The following GLYATL2 variants were observed in gnomAD, a reference collection of about 807,000 sequenced individuals.
GLYATL2 encodes the protein glycine N-acyltransferase-like protein 2.
A neutral mutation model predicts 21.4 loss-of-function variants in GLYATL2; 25 were observed. The observed-to-expected ratio is 1.17, with a 90% CI of 0.85 to 1.63. The LOEUF is 1.63. Among genes scored for constraint, GLYATL2 ranks in the 40% most tolerant of loss-of-function variants. GLYATL2 has a pLI of 0.00. For synonymous variants in GLYATL2, 114 were observed against 118.2 expected (o/e 0.96, Z 0.23); for missense variants, 361 against 343.3 (o/e 1.05, Z -0.41).
upstream of GLYATL2, among the ~76,000 whole-genome samples, chr11:58,907,011 G>C (rs1854907793): frequency 6.6e-6 from 1 of 152,258 alleles, no homozygotes; most frequent in Admixed American, 6.5e-5. Context: ...AACAATAAAA[G>C]GTTGATCTGA....
At chr11:58,866,695 C>A (rs1383901238) in intron 1 of GLYATL2, among the ~76,000 whole-genome samples, 3 of 149,172 alleles carry the variant, frequency 2.0e-5, no homozygotes, top group African/African-American at 2.4e-5. Context: ...GTCTCTTGGT[C>A]AGTTCCCTGT....
chr11:58,858,668 GA>G (rs1247090317), intron 1 of GLYATL2, among the ~76,000 whole-genome samples: 3 of 152,044 alleles, frequency 2.0e-5, no homozygotes, highest in South Asian at 2.1e-4. Context: ...ATTTAAAAAG[GA>G]AAAAAAGTTA....
intron 1 of GLYATL2, among the ~76,000 whole-genome samples, chr11:58,867,031 T>C (rs1185004743): frequency 6.7e-6 from 1 of 148,760 alleles, no homozygotes; most frequent in Non-Finnish European, 1.5e-5. Context: ...CCTTGACACA[T>C]TGTGAGAGTA....
At chr11:58,868,906 G>A (rs986721724) in intron 1 of GLYATL2, among the ~76,000 whole-genome samples, 1 of 149,108 alleles carries the variant, frequency 6.7e-6, no homozygotes, top group Non-Finnish European at 1.5e-5. Context: ...CCACTTGTGG[G>A]TTAAACAAGC....
upstream of GLYATL2, among the ~76,000 whole-genome samples, chr11:58,849,280 ACAG>A (rs1853697487): frequency 6.6e-6 from 1 of 152,174 alleles, no homozygotes; most frequent in South Asian, 2.1e-4. Context: ...GTACACACGA[ACAG>A]ACAGAATATT....
chr11:58,862,467 A>C (rs1163059075), intron 1 of GLYATL2, among the ~76,000 whole-genome samples: 1 of 152,114 alleles, frequency 6.6e-6, no homozygotes, highest in Admixed American at 6.5e-5. Flanking sequence ...CTGATATTCC[A>C]TAATTACCAT....
intron 1 of GLYATL2, among the ~76,000 whole-genome samples, chr11:58,866,628 T>C (rs1430749190): frequency 6.7e-6 from 1 of 148,942 alleles, no homozygotes; most frequent in African/African-American, 2.4e-5. Context: ...AAGAAATCTT[T>C]TTCCCTAGAA....
At chr11:58,858,441 T>G (rs1565095571) in intron 1 of GLYATL2, among the ~76,000 whole-genome samples, 2 of 144,740 alleles carry the variant, frequency 1.4e-5, no homozygotes, top group African/African-American at 2.5e-5. Flanking sequence ...ACCTTTCTTC[T>G]GTTAAAGATG....
intron 1 of GLYATL2, among the ~76,000 whole-genome samples, chr11:58,874,634 T>A (rs1310495494): frequency 1.3e-5 from 2 of 152,260 alleles, no homozygotes; most frequent in Non-Finnish European, 2.9e-5. Flanking sequence ...TCTAGTTTGA[T>A]TGCACTGTGG....
At chr11:58,907,771 G>A (rs550631543), upstream of GLYATL2, 1 of 192,410 alleles carries the variant, frequency 5.2e-6, no homozygotes, top group East Asian at 1.3e-4. Context: ...CTTTGTTCCA[G>A]TACGTTGTTA....
At chr11:58,861,803 G>T (rs924609518) in intron 1 of GLYATL2, among the ~76,000 whole-genome samples, 4 of 151,848 alleles carry the variant, frequency 2.6e-5, no homozygotes, top group Non-Finnish European at 5.9e-5. Context: ...TCAGAAGCAT[G>T]CTGTTTAATT....
chr11:58,888,251 T>C (rs972903157), intron 1 of GLYATL2, among the ~76,000 whole-genome samples: 1 of 152,136 alleles, frequency 6.6e-6, no homozygotes, highest in Non-Finnish European at 1.5e-5. Flanking sequence ...TGTTGCCCAA[T>C]TTAGAATTAT....
intron 1 of GLYATL2, among the ~76,000 whole-genome samples, chr11:58,844,103 A>T (rs1299552046): frequency 2.0e-5 from 3 of 150,722 alleles, no homozygotes. Flanking sequence ...GAGAATATTG[A>T]TTTTTTTTTT....
At chr11:58,857,011 A>C (rs571852584) in intron 1 of GLYATL2, among the ~76,000 whole-genome samples, 1 of 152,316 alleles carries the variant, frequency 6.6e-6, no homozygotes, top group South Asian at 2.1e-4. Flanking sequence ...GTGTGCCTGT[A>C]CTGATTTAAT....
intron 1 of GLYATL2, among the ~76,000 whole-genome samples, chr11:58,883,837 A>G (rs1216769133): frequency 6.6e-6 from 1 of 152,218 alleles, no homozygotes; most frequent in Non-Finnish European, 1.5e-5. Flanking sequence ...CAGCAAACCG[A>G]ATCCAGCAGC....
rs550793659 is a variant in GLYATL2, at chr11:58,871,457, C to T, written n.60+32699G>A. Among the ~76,000 whole-genome samples the T allele has an allele frequency of 6.0e-3, 880 of 146,430 alleles. 13 individuals are homozygous for T. The highest frequency in any genetic ancestry group is 0.02 in the African/African-American group (803 of 39,376). ...CCCTCCCCCACCCCACAACAGGCCC[C>T]GGTGTGTGATGTTCCCCTTCCTGTG... On this transcript the variant is annotated intron_variant and non_coding_transcript_variant, in intron 1 of 4. Transcript: ENST00000533636.
chr11:58,876,899 G>A (rs1296397153), intron 1 of GLYATL2, among the ~76,000 whole-genome samples: 1 of 152,266 alleles, frequency 6.6e-6, no homozygotes, highest in East Asian at 1.9e-4. Flanking sequence ...AGAGCCTACA[G>A]AGGCAGGCAG....
At chr11:58,854,787 A>T (rs1359731036) in intron 1 of GLYATL2, among the ~76,000 whole-genome samples, 1 of 152,210 alleles carries the variant, frequency 6.6e-6, no homozygotes, top group African/African-American at 2.4e-5. Context: ...TATCAAATAG[A>T]TTTACATAAC....
intron 1 of GLYATL2, among the ~76,000 whole-genome samples, chr11:58,860,567 C>T (rs555977176): frequency 6.6e-5 from 10 of 152,214 alleles, no homozygotes; most frequent in Non-Finnish European, 1.3e-4. Flanking sequence ...TTAGCTACTT[C>T]CTTTCCAATT....
Sources: gnomAD v4.1 joint callset for allele counts (sites outside exome capture counted in the v4.1 genomes callset) on GRCh38, gnomAD v4.1.1 for gene constraint, MANE v1.5 for transcripts, NCBI Gene and HGNC (gene_info 2026-07-23, HGNC 2026-07-21) for gene names.